Variants in VEGFC observed in about 807,000 individuals in gnomAD.
VEGFC encodes the protein FLT4 ligand DHM.
In VEGFC, 12 loss-of-function variants were observed where a neutral mutation model predicts 46.1. The ratio of observed to expected loss-of-function variants is 0.26; its 90% CI spans 0.17 to 0.42. The LOEUF (loss-of-function observed/expected upper bound fraction) is 0.42. Among genes scored for constraint, VEGFC ranks in the 10% least tolerant of loss-of-function variants. The pLI is 1.00. For missense variants in VEGFC, 488 were observed against 529.4 expected (o/e 0.92, Z 0.77); for synonymous variants, 232 against 195.5 (o/e 1.19, Z -1.56).
chr4:176,784,756 CAA>C (rs5864405), intron 1 of VEGFC, among the ~76,000 whole-genome samples: 377 of 22,966 alleles, frequency 0.016, no homozygotes, highest in South Asian at 0.059. Context: ...GAGTCTGTCT[CAA>C]AAAAAAAAAA....
intron 4 of VEGFC, among the ~76,000 whole-genome samples, chr4:176,702,600 C>T (rs1417489005): frequency 6.6e-6 from 1 of 152,072 alleles, no homozygotes; most frequent in Non-Finnish European, 1.5e-5. Context: ...TATCCAATTG[C>T]TTTCACAGCT....
intron 5 of VEGFC, 88 bp from the exon 6 acceptor site, chr4:176,687,608 T>A: frequency 7.6e-7 from 1 of 1,321,930 alleles, no homozygotes; most frequent in Non-Finnish European, 1.0e-6. Context: ...ATCTTCCTTT[T>A]GTATGTTTTC....
chr4:176,749,993 G>A (rs2110892968), intron 1 of VEGFC, among the ~76,000 whole-genome samples: 1 of 151,404 alleles, frequency 6.6e-6, no homozygotes, highest in African/African-American at 2.4e-5. Context: ...AAAAAATTAT[G>A]CCAAAATGCA....
chr4:176,685,102 A>T (rs1163144322), intron 6 of VEGFC, among the ~76,000 whole-genome samples: 1 of 152,230 alleles, frequency 6.6e-6, no homozygotes, highest in Non-Finnish European at 1.5e-5. Flanking sequence ...TAAAGGGAAA[A>T]GTGCAAGATG....
intron 3 of VEGFC, 42 bp from the exon 4 acceptor site, chr4:176,711,692 C>T: frequency 6.3e-7 from 1 of 1,597,684 alleles, no homozygotes; most frequent in Non-Finnish European, 8.6e-7. Flanking sequence ...TATATAGATG[C>T]TGTAAAGCAC....
intron 1 of VEGFC, among the ~76,000 whole-genome samples, chr4:176,753,219 G>A (rs111493099): frequency 5.9e-4 from 89 of 152,116 alleles, no homozygotes; most frequent in African/African-American, 2.1e-3. Context: ...ATTTTGGGGA[G>A]GGCCAGGAAA....
chr4:176,742,585 T>C (rs1192202682), intron 1 of VEGFC, among the ~76,000 whole-genome samples: 2 of 152,036 alleles, frequency 1.3e-5, no homozygotes, highest in Non-Finnish European at 2.9e-5. Flanking sequence ...TACTTTTTCA[T>C]CCACCCTCAA....
chr4:176,720,363 C>T (rs1299701049), intron 3 of VEGFC, among the ~76,000 whole-genome samples: 2 of 152,172 alleles, frequency 1.3e-5, no homozygotes, highest in Non-Finnish European at 2.9e-5. Context: ...GGTATCTCCA[C>T]CTAAACACCA....
chr4:176,684,188 GT>G, intron 6 of VEGFC, 148 bp from the exon 7 acceptor site: 1 of 635,530 alleles, frequency 1.6e-6, no homozygotes, highest in Non-Finnish European at 2.7e-6. Flanking sequence ...AAAAAAGTTT[GT>G]TTCTGCTTAG....
At chr4:176,780,863 C>T (rs900959482) in intron 1 of VEGFC, among the ~76,000 whole-genome samples, 5 of 152,094 alleles carry the variant, frequency 3.3e-5, no homozygotes, top group African/African-American at 9.7e-5. Context: ...CAAAAAATCA[C>T]CAATTTTAAA....
rs2110933199 is a variant in VEGFC at position 176,774,702 on chromosome 4, A to T, written c.147+17463T>A. ...AGACTGTCTTGAAGATATATTACACATTAGAACATATGCTTGTTAGTGGGT... is the reference window on the plus strand; with the variant it reads ...AGACTGTCTTGAAGATATATTACACTTTAGAACATATGCTTGTTAGTGGGT... On this transcript the variant is annotated intron_variant, in intron 1 of 6. Transcript: ENST00000618562. Among the ~76,000 whole-genome samples the T allele has an allele frequency of 2.6e-5, 4 of 152,314 alleles. No individual in the cohort carries two copies. In the East Asian group the frequency reaches 5.8e-4, roughly 22 times the overall value.
chr4:176,767,112 T>A (rs1450701417), intron 1 of VEGFC, among the ~76,000 whole-genome samples: 6 of 81,306 alleles, frequency 7.4e-5, no homozygotes, highest in Non-Finnish European at 1.2e-4. Context: ...TGTAAAGGAA[T>A]TGTAGAAATC....
In VEGFC at chr4:176,728,024, G is replaced by T. The variant is rs1734902509; in HGVS notation, c.362-56C>A. 3 of 1,408,012 alleles carry T rather than the reference G, an allele frequency of 2.1e-6. No individual in the cohort carries two copies. The Admixed American group carries it at 6.9e-5, about 33-fold the overall frequency. 87.2% of individuals were successfully genotyped at this position (1,408,012 alleles called of 1,614,324 possible). On this transcript the variant is annotated intron_variant, in intron 2 of 6. Transcript: ENST00000618562. ...TACGGAAACCACCAAGATAAAAAAA[G>T]CCCACAGCAGCTGCAAATCACTCAC...
intron 2 of VEGFC, among the ~76,000 whole-genome samples, chr4:176,728,241 C>T (rs1734905691): frequency 6.6e-6 from 1 of 152,078 alleles, no homozygotes; most frequent in Non-Finnish European, 1.5e-5. Context: ...ACCAATATCC[C>T]ACAACACTAA....
At chr4:176,766,005 C>T (rs933922476) in intron 1 of VEGFC, among the ~76,000 whole-genome samples, 2 of 151,528 alleles carry the variant, frequency 1.3e-5, no homozygotes, top group Admixed American at 1.3e-4. Context: ...GAATACTATA[C>T]ACAGAAAAAA....
chr4:176,776,102 T>C (rs1735809439), intron 1 of VEGFC, among the ~76,000 whole-genome samples: 1 of 152,218 alleles, frequency 6.6e-6, no homozygotes, highest in African/African-American at 2.4e-5. Context: ...ATCATGATAG[T>C]ACAACTTTGG....
chr4:176,770,444 C>T (rs776395611), intron 1 of VEGFC, among the ~76,000 whole-genome samples: 12 of 148,732 alleles, frequency 8.1e-5, no homozygotes, highest in Admixed American at 1.3e-4. Flanking sequence ...ACACTAGTCA[C>T]TAGCATGATT....
intron 1 of VEGFC, among the ~76,000 whole-genome samples, chr4:176,769,191 T>A (rs900696526): frequency 1.3e-5 from 2 of 152,160 alleles, no homozygotes; most frequent in African/African-American, 4.8e-5. Flanking sequence ...CTCCTTGATC[T>A]TGGACTTCCC....
intron 1 of VEGFC, among the ~76,000 whole-genome samples, chr4:176,734,935 G>A (rs866803298): frequency 2.0e-5 from 3 of 151,722 alleles, no homozygotes; most frequent in South Asian, 2.1e-4. Context: ...TAATTTAAAA[G>A]CATTCAGCCA....
Sources: gnomAD v4.1 joint callset for allele counts (sites outside exome capture counted in the v4.1 genomes callset) on GRCh38, gnomAD v4.1.1 for gene constraint, MANE v1.5 for transcripts, NCBI Gene and HGNC (gene_info 2026-07-23, HGNC 2026-07-21) for gene names.